The following KCND3 variants were observed in gnomAD, a reference collection of about 807,000 sequenced individuals.
The protein encoded by KCND3 is potassium voltage-gated channel subfamily D member 3.
Under a neutral mutation model 51.1 loss-of-function variants are expected in KCND3, and 9 were observed. The ratio of observed to expected loss-of-function variants is 0.18; its 90% CI spans 0.11 to 0.31. The LOEUF (loss-of-function observed/expected upper bound fraction) is 0.31. KCND3 is among the 10% of genes least tolerant of loss of function. The pLI, the probability that KCND3 is intolerant of heterozygous loss-of-function variation, is 1.00. For synonymous variants in KCND3, 349 were observed against 368.0 expected (o/e 0.95, Z 0.59); for missense variants, 526 against 903.8 (o/e 0.58, Z 5.36).
chr1:111,843,745 G>A (rs1462715829), intron 2 of KCND3, among the ~76,000 whole-genome samples: 1 of 152,326 alleles, frequency 6.6e-6, no homozygotes, highest in East Asian at 1.9e-4. Flanking sequence ...TTTGAACCTT[G>A]TGTTTCCCCT....
chr1:111,973,461 G>T (rs544838367), intron 2 of KCND3, among the ~76,000 whole-genome samples: 1 of 152,342 alleles, frequency 6.6e-6, no homozygotes, highest in East Asian at 1.9e-4. Context: ...GACTGATAAG[G>T]TTCTGGGATG....
intron 2 of KCND3, among the ~76,000 whole-genome samples, chr1:111,862,305 A>G (rs544521674): frequency 2.9e-4 from 44 of 152,390 alleles, no homozygotes; most frequent in African/African-American, 1.0e-3. Context: ...ACTGTACTGC[A>G]AGGGCAACAA....
At chr1:111,794,282 C>G (rs1664964322) in intron 2 of KCND3, among the ~76,000 whole-genome samples, 1 of 152,342 alleles carries the variant, frequency 6.6e-6, no homozygotes, top group South Asian at 2.1e-4. Context: ...TAATTGCTCC[C>G]TTCATTTCTT....
chr1:111,896,303 G>T (rs1670112053), intron 2 of KCND3, among the ~76,000 whole-genome samples: 2 of 152,204 alleles, frequency 1.3e-5, no homozygotes, highest in African/African-American at 4.8e-5. Context: ...ACACAGGAGG[G>T]GACTGACCCC....
In KCND3 at chr1:111,982,113, A is replaced by C; in HGVS notation, c.614T>G (p.Val205Gly). The C allele has an allele frequency of 6.2e-7, 1 of 1,613,752 alleles. No homozygotes were observed. The highest frequency in any genetic ancestry group is 8.5e-7 in the Non-Finnish European group (1 of 1,179,958). Residue 205 changes from valine to glycine, a missense_variant, in exon 2 of 8, where the codon GTG (valine) becomes GGG (glycine). By Grantham distance (109) the Val-to-Gly change is moderately radical. This residue lies in a region of KCND3 where 51 missense variants were observed against 84.7 expected (regional missense o/e 0.60). Transcript: ENST00000302127. This position sits in a 1 kb window ranked among gnomAD's most constrained non-coding sequence, Gnocchi z 8.5. ...GCTGCCCGGGACCGTGCCGCACGGC[A>C]CCGTCTCCACCACGTTGGTGATGAC... ...VSVITNVVET[V>G]PCGTVPGSKE... is the part of the protein sequence containing the mutation.
intron 2 of KCND3, among the ~76,000 whole-genome samples, chr1:111,856,573 C>CG (rs1220883043): frequency 2.6e-5 from 4 of 152,256 alleles, no homozygotes; most frequent in Non-Finnish European, 5.9e-5. Flanking sequence ...CCAGACCCCC[C>CG]CTTGCACATG....
At position 111,982,517 on chromosome 1, in the gene KCND3, C is replaced by T. The variant is rs1442971078; in HGVS notation, c.210G>A (p.Glu70=). 1.9e-6 allele frequency: 3 copies of T among 1,607,468 alleles called. No individual in the cohort carries two copies. Among genetic ancestry groups the T allele is most frequent in the African/African-American group, 1.3e-5 (1 of 74,830 alleles). ...RYPDTLLGST[E]KEFFFNEDTK... ...TGTCCTCGTTGAAGAAGAACTCCTTCTCCGTGCTGCCCAGCAGGGTGTCCG... is the reference window on the plus strand; with the variant it reads ...TGTCCTCGTTGAAGAAGAACTCCTTTTCCGTGCTGCCCAGCAGGGTGTCCG... The change falls in exon 2 of 8, where the codon GAG becomes GAA. Residue 70 remains glutamate (E), a synonymous_variant. Transcript: ENST00000302127. This position sits in a 1 kb window ranked among gnomAD's most constrained non-coding sequence, Gnocchi z 8.5.
chr1:111,937,325 C>A (rs1372518977), intron 2 of KCND3, among the ~76,000 whole-genome samples: 2 of 152,102 alleles, frequency 1.3e-5, no homozygotes, highest in Non-Finnish European at 2.9e-5. Flanking sequence ...CCACCCCAGG[C>A]AACCCCTCCA....
At chr1:111,918,606 G>A (rs1671337264) in intron 2 of KCND3, among the ~76,000 whole-genome samples, 1 of 152,168 alleles carries the variant, frequency 6.6e-6, no homozygotes, top group Non-Finnish European at 1.5e-5. Flanking sequence ...GAGGATTTGG[G>A]GAAGGGGAGA....
rs1222178286 is a variant in KCND3, at chr1:111,803,254, C to T, written c.1107-16148G>A. Among the ~76,000 whole-genome samples the T allele has an allele frequency of 5.3e-5, 8 of 152,112 alleles. 1 individual carries two copies. The highest frequency in any genetic ancestry group is 5.2e-4 in the Admixed American group (8 of 15,266). The stretch of plus-strand genomic sequence containing the variant: ...CTGGTGACAGTGGAGGCCTCGTTTG[C>T]CTGGGACACCTCTGCCTCTCCACAG... On this transcript the variant is annotated intron_variant, in intron 2 of 7. Transcript: ENST00000302127.
intron 2 of KCND3, among the ~76,000 whole-genome samples, chr1:111,790,591 T>A (rs1229811982): frequency 1.3e-5 from 2 of 152,226 alleles, no homozygotes; most frequent in Admixed American, 6.5e-5. Flanking sequence ...TTACATACCA[T>A]AAAATCCAAC....
intron 2 of KCND3, among the ~76,000 whole-genome samples, chr1:111,864,395 T>C (rs1668464254): frequency 6.6e-6 from 1 of 152,212 alleles, no homozygotes; most frequent in Non-Finnish European, 1.5e-5. Context: ...AAGAACTTAC[T>C]TTGCTGTGAA....
chr1:111,875,424 C>T (rs1669006702), intron 2 of KCND3, among the ~76,000 whole-genome samples: 2 of 152,156 alleles, frequency 1.3e-5, no homozygotes, highest in South Asian at 4.1e-4. Flanking sequence ...TTCCCTAAAT[C>T]AATATTTTTC....
At chr1:111,858,740 G>A (rs1357215728) in intron 2 of KCND3, among the ~76,000 whole-genome samples, 3 of 152,014 alleles carry the variant, frequency 2.0e-5, no homozygotes, top group Non-Finnish European at 2.9e-5. Context: ...GGAGTGGTTG[G>A]TCACTCTCCT....
intron 2 of KCND3, among the ~76,000 whole-genome samples, chr1:111,975,061 C>T (rs1371837699): frequency 5.9e-5 from 9 of 152,196 alleles, no homozygotes; most frequent in Non-Finnish European, 2.9e-5. Context: ...AGAGTGGCCT[C>T]TCTGTTTTCG....
At chr1:111,851,270 A>T (rs1667804293) in intron 2 of KCND3, among the ~76,000 whole-genome samples, 1 of 152,172 alleles carries the variant, frequency 6.6e-6, no homozygotes, top group African/African-American at 2.4e-5. Context: ...TTTCCTCTAG[A>T]TCAGGGCAGT....
rs1028522093 is a variant in KCND3, at chr1:111,834,345, A to C, written c.1107-47239T>G. On this transcript the variant is annotated intron_variant, in intron 2 of 7. Coordinates refer to ENST00000302127, the MANE Select transcript of KCND3 (RefSeq NM_001378969.1). ...CATATTTACTGCCCTTTCTGCTGAG[A>C]AGAGCTTGAAAAACAAAACACAAGA... is the stretch of plus-strand genomic sequence containing the variant. 7.9e-5 allele frequency among the ~76,000 whole-genome samples: 12 copies of C among 152,206 alleles called. 1 individual carries two copies. The highest frequency in any genetic ancestry group is 2.9e-4 in the African/African-American group (12 of 41,454).
At chr1:111,961,706 G>A (rs1359963912) in intron 2 of KCND3, among the ~76,000 whole-genome samples, 1 of 152,202 alleles carries the variant, frequency 6.6e-6, no homozygotes, top group African/African-American at 2.4e-5. Context: ...GCCAGAGGGG[G>A]GGCATTTGAA....
chr1:111,838,281 T>C (rs1266226007), intron 2 of KCND3, among the ~76,000 whole-genome samples: 1 of 152,248 alleles, frequency 6.6e-6, no homozygotes, highest in African/African-American at 2.4e-5. Context: ...GTGGAGGTCA[T>C]CTTGAATCCT....
Sources: gnomAD v4.1 joint callset for allele counts (sites outside exome capture counted in the v4.1 genomes callset) on GRCh38, gnomAD v4.1.1 for gene constraint, gnomAD v4.1.1 regional missense constraint, Gnocchi (gnomAD v3.1) non-coding constraint, MANE v1.5 for transcripts, NCBI Gene and HGNC (gene_info 2026-07-23, HGNC 2026-07-21) for gene names.